KIF20B: variants seen among roughly 807,000 people sequenced by gnomAD.
The protein encoded by KIF20B is kinesin-like protein KIF20B.
KIF20B carries 188 observed loss-of-function variants against 232.5 expected under a neutral mutation model. The ratio of observed to expected loss-of-function variants is 0.81; its 90% CI spans 0.72 to 0.91. The LOEUF (loss-of-function observed/expected upper bound fraction) is 0.91. Ranked by LOEUF, KIF20B falls within the 40% of genes least tolerant of loss-of-function variation. KIF20B has a pLI of 0.00. For missense variants in KIF20B, 2,154 were observed against 2,055.9 expected (o/e 1.05, Z -0.92); for synonymous variants, 712 against 683.0 (o/e 1.04, Z -0.66).
At chr10:89,733,115 T>C in intron 19 of KIF20B, 59 bp downstream of exon 19, 1 of 1,571,964 alleles carries the variant, frequency 6.4e-7, no homozygotes, top group Non-Finnish European at 8.7e-7. Flanking sequence ...AACCAGTAAA[T>C]AGAACAAGGC....
chr10:89,758,885 CAGT>C lies in KIF20B; in HGVS notation c.4680+7_4680+9del. 6.7e-7 allele frequency: 1 copy of C among 1,492,892 alleles called. No homozygotes were observed. 92.5% of individuals were successfully genotyped at this position (1,492,892 alleles called of 1,614,324 possible). A position where few individuals can be genotyped will look rare whatever the true frequency, so the allele number is the denominator to read the frequency against. The stretch of plus-strand genomic sequence containing the variant: ...TCATATCAGAGACTTCTAAAATAGT[CAGT>C]AGTCTTTTTTGCTATGCCTTTTTAA... On this transcript the variant is annotated splice_donor_5th_base_variant and intron_variant, in intron 27 of 32. Coordinates refer to ENST00000371728, the MANE Select transcript of KIF20B (RefSeq NM_001284259.2).
rs1352008260 is a variant in KIF20B, at chr10:89,724,062, G to A, written c.1821G>A (p.Gln607=). 1 of 1,573,872 alleles carries A rather than the reference G, an allele frequency of 6.4e-7. No homozygotes were observed. The highest frequency in any genetic ancestry group is 1.9e-5 in the Admixed American group (1 of 52,368). Residue 607 remains glutamine, a synonymous_variant, in exon 14 of 33, where the codon CAG becomes CAA. Coordinates refer to ENST00000371728, the MANE Select transcript of KIF20B (RefSeq NM_001284259.2). ...TTAAAATTCGAGAAGAAGTTACACA[G>A]GAGTTTACTCAGTATTGGGCTCAAC... The part of the protein sequence containing the change: ...LEFKIREEVT[Q]EFTQYWAQRE...
chr10:89,723,727 TA>T, intron 13 of KIF20B: 1 of 286,292 alleles, frequency 3.5e-6, no homozygotes, highest in Non-Finnish European at 6.2e-6. Context: ...TTAGTATAGC[TA>T]AACAGTGAGA....
chr10:89,741,620 G>T (rs773434805), intron 21 of KIF20B, among the ~76,000 whole-genome samples: 1 of 152,226 alleles, frequency 6.6e-6, no homozygotes. Context: ...CCATTTTGTT[G>T]ATAAGAAAAC....
chr10:89,738,699 A>T (rs1272434701), intron 20 of KIF20B, 82 bp downstream of exon 20: 6 of 1,439,474 alleles, frequency 4.2e-6, no homozygotes, highest in Admixed American at 2.8e-5. Flanking sequence ...TTAGATAGTC[A>T]TACTTAATCT....
In KIF20B at chr10:89,748,221, G is replaced by C. The variant is rs1055100155; in HGVS notation, c.4096+2262G>C. 3.9e-5 allele frequency among the ~76,000 whole-genome samples: 6 copies of C among 152,284 alleles called. No homozygotes were observed. In the East Asian group the frequency reaches 1.2e-3, roughly 29 times the overall value. On this transcript the variant is annotated intron_variant, in intron 23 of 32. Coordinates refer to ENST00000371728, the MANE Select transcript of KIF20B (RefSeq NM_001284259.2). Reference sequence around the variant, plus strand: ...GACGGGGTTTTGCCATGTTGGCCAGGCTAGTCTTGAACTCCTGACCTCAGG... The same window carrying C: ...GACGGGGTTTTGCCATGTTGGCCAGCCTAGTCTTGAACTCCTGACCTCAGG...
chr10:89,733,249 A>T (rs1258221223), intron 19 of KIF20B, 193 bp downstream of exon 19: 1 of 494,722 alleles, frequency 2.0e-6, no homozygotes, highest in Non-Finnish European at 3.6e-6. Flanking sequence ...ATCTTAATAA[A>T]TATGCTTTTA....
chr10:89,766,183 C>G (rs1285301789), intron 29 of KIF20B: 1 of 152,096 alleles, frequency 6.6e-6, no homozygotes, highest in East Asian at 1.9e-4. Flanking sequence ...CCATATTTCT[C>G]AGAGGCTTTG....
intron 1 of KIF20B, among the ~76,000 whole-genome samples, chr10:89,701,901 T>C (rs942668449): frequency 1.3e-5 from 2 of 152,190 alleles, no homozygotes; most frequent in African/African-American, 4.8e-5. Flanking sequence ...AAATCTCGCC[T>C]CCACTGCTAA....
At chr10:89,722,542 G>A (rs1843084419) in intron 13 of KIF20B, among the ~76,000 whole-genome samples, 1 of 152,032 alleles carries the variant, frequency 6.6e-6, no homozygotes, top group South Asian at 2.1e-4. Context: ...GGTTTCTGGC[G>A]CCTGTAGTCC....
At chr10:89,733,325 A>G (rs1345811325) in intron 19 of KIF20B, among the ~76,000 whole-genome samples, 1 of 150,860 alleles carries the variant, frequency 6.6e-6, no homozygotes, top group African/African-American at 2.4e-5. Flanking sequence ...AATAGTTAAA[A>G]CTCATTACTT....
At chr10:89,725,405 CATT>C (rs997424608) in intron 15 of KIF20B, among the ~76,000 whole-genome samples, 4 of 151,766 alleles carry the variant, frequency 2.6e-5, no homozygotes, top group African/African-American at 9.7e-5. Flanking sequence ...TTGCTTGAAT[CATT>C]GTGTTGTAGG....
Position 89,752,668 on chromosome 10 carries a change from A to G in KIF20B, c.4324A>G (p.Thr1442Ala), listed in dbSNP as rs1250455536. The change falls in exon 25 of 33, where the codon ACT becomes GCT. Residue 1442 changes from threonine to alanine, a missense_variant. Coordinates refer to ENST00000371728, the MANE Select transcript of KIF20B (RefSeq NM_001284259.2). ...CAACACAGATGTGCTTGGAAAGCTC[A>G]CTAATCTTCAAGATGAGTTACAGGT... ...ENNTDVLGKL[T>A]NLQDELQESE... is the part of the protein sequence containing the mutation. 9 of 1,580,480 alleles carry G rather than the reference A, an allele frequency of 5.7e-6. No individual in the cohort carries two copies. Among genetic ancestry groups the G allele is most frequent in the Non-Finnish European group, 7.7e-6 (9 of 1,164,920 alleles).
intron 17 of KIF20B, among the ~76,000 whole-genome samples, chr10:89,728,394 A>T (rs1407887852): frequency 6.6e-6 from 1 of 152,214 alleles, no homozygotes; most frequent in East Asian, 1.9e-4. Context: ...TTATGTATGT[A>T]TTTATAGAAC....
rs149834763 is a variant in KIF20B, at chr10:89,741,889, C to T, written c.3916-1919C>T. Among the ~76,000 whole-genome samples the T allele has an allele frequency of 4.8e-3, 734 of 152,230 alleles. 4 individuals carry two copies. The highest frequency in any genetic ancestry group is 0.016 in the African/African-American group (677 of 41,528). ...CTTAGTCATCTCAATTATCAGATCA[C>T]GTGTCATGGTATCAGGGACAGTGTT... is the stretch of plus-strand genomic sequence containing the variant. On this transcript the variant is annotated intron_variant, in intron 21 of 32. Coordinates refer to ENST00000371728, the MANE Select transcript of KIF20B (RefSeq NM_001284259.2).
chr10:89,717,834 T>C (rs2133096149), intron 11 of KIF20B, 112 bp downstream of exon 11: 3 of 642,696 alleles, frequency 4.7e-6, no homozygotes, highest in East Asian at 2.8e-5. Context: ...TCTTATGTAA[T>C]GACTGTGTAT....
chr10:89,739,070 A>C lies in KIF20B; in HGVS notation c.3889A>C (p.Lys1297Gln), dbSNP rs1841736097. The C allele has an allele frequency of 6.2e-7, 1 of 1,612,834 alleles. No individual in the cohort carries two copies. Among genetic ancestry groups the C allele is most frequent in the Non-Finnish European group, 8.5e-7 (1 of 1,179,512 alleles). ...GAAAGAGAAACTGACTGATGCCAAA[A>C]AGCAGATTAAGCAAGTACAGAAAGA... ...DLKEKLTDAK[K>Q]QIKQVQKEVS... Residue 1297 changes from lysine to glutamine, a missense_variant, in exon 21 of 33, where the codon AAG becomes CAG. Lys to Gln is a moderately conservative substitution (Grantham distance 53). Coordinates refer to ENST00000371728, the MANE Select transcript of KIF20B (RefSeq NM_001284259.2).
Position 89,738,978 on chromosome 10 carries a change from C to T in KIF20B, c.3797C>T (p.Ala1266Val), listed in dbSNP as rs753864053. Residue 1266 changes from alanine (A) to valine (V), a missense_variant, in exon 21 of 33, where the codon GCA becomes GTA. By Grantham distance (64) the Ala-to-Val change is moderately conservative. Coordinates refer to ENST00000371728, the MANE Select transcript of KIF20B (RefSeq NM_001284259.2). The stretch of plus-strand genomic sequence containing the variant: ...TTTAGATTGAAAGAGGAACTCTCTG[C>T]AAGCTCTGCTCGTACCCAGAATCTG... ...ETEKLKEELS[A>V]SSARTQNLKA... 4.7e-5 allele frequency: 75 copies of T among 1,612,256 alleles called. No individual in the cohort carries two copies. The highest frequency in any genetic ancestry group is 6.1e-5 in the Non-Finnish European group (72 of 1,179,374).
In KIF20B at chr10:89,729,111, T is replaced by A. The variant is rs768328344; in HGVS notation, c.2272-17T>A. 7.3e-7 allele frequency: 1 copy of A among 1,368,230 alleles called. No individual in the cohort carries two copies. The highest frequency in any genetic ancestry group is 1.4e-5 in the South Asian group (1 of 71,628). 84.8% of individuals were successfully genotyped at this position (1,368,230 alleles called of 1,614,324 possible). A position where few individuals can be genotyped will look rare whatever the true frequency, so the allele number is the denominator to read the frequency against. The stretch of plus-strand genomic sequence containing the variant: ...TAAAGTATATTCATGAAACATTGCT[T>A]TTTCTTCTTTCCAAAGAAAATAATT... On this transcript the variant is annotated splice_polypyrimidine_tract_variant and intron_variant, in intron 17 of 32. Transcript: ENST00000371728.
Sources: allele counts gnomAD v4.1 joint callset (sites outside exome capture counted in the v4.1 genomes callset), GRCh38; gene constraint gnomAD v4.1.1; transcripts MANE v1.5; gene names NCBI Gene and HGNC (gene_info 2026-07-23, HGNC 2026-07-21).